ERBB4: variants seen among roughly 807,000 people sequenced by gnomAD.
ERBB4 encodes the protein receptor tyrosine-protein kinase erbB-4.
ERBB4 carries 42 observed loss-of-function variants against 158.0 expected under a neutral mutation model. The ratio of observed to expected loss-of-function variants is 0.27; its 90% CI spans 0.21 to 0.34. The LOEUF (loss-of-function observed/expected upper bound fraction) is 0.34, where lower values mean the gene tolerates loss of function less well. Among genes scored for constraint, ERBB4 ranks in the 10% least tolerant of loss-of-function variants. The probability of loss-of-function intolerance (pLI) is 1.00; values close to 1 mark genes in which losing one functional copy is unlikely to be tolerated. For synonymous variants in ERBB4, 583 were observed against 558.7 expected (o/e 1.04, Z -0.61); for missense variants, 1,333 against 1,624.1 (o/e 0.82, Z 3.08).
chr2:211,428,218 A>AAAAT (rs1258613865), intron 22 of ERBB4, among the ~76,000 whole-genome samples, 190 bp downstream of exon 22: 2 of 143,292 alleles, frequency 1.4e-5, no homozygotes, highest in Non-Finnish European at 3.1e-5. Context: ...AACTTAAAAT[A>AAAAT]AAATAAAATA....
At chr2:212,192,045 T>TTATA (rs2082277589) in intron 1 of ERBB4, among the ~76,000 whole-genome samples, 3 of 54,928 alleles carry the variant, frequency 5.5e-5, no homozygotes, top group African/African-American at 1.6e-4. Flanking sequence ...ATGTTATATA[T>TTATA]ATGTTATATG....
chr2:211,924,737 G>A (rs1279727635), intron 3 of ERBB4, among the ~76,000 whole-genome samples: 1 of 152,014 alleles, frequency 6.6e-6, no homozygotes, highest in Non-Finnish European at 1.5e-5. Context: ...CGGTCACATA[G>A]GTAAGAGTCA....
chr2:212,526,289 TG>T (rs1390543570), intron 1 of ERBB4, among the ~76,000 whole-genome samples: 1 of 152,018 alleles, frequency 6.6e-6, no homozygotes, highest in African/African-American at 2.4e-5. Context: ...CTCTGGCTCA[TG>T]GTGTGCTAAT....
At chr2:211,576,734 GTAATTA>G (rs939327169) in intron 19 of ERBB4, among the ~76,000 whole-genome samples, 1 of 151,844 alleles carries the variant, frequency 6.6e-6, no homozygotes, top group African/African-American at 2.4e-5. Context: ...ATAAACATTA[GTAATTA>G]TAATTATAAA....
At chr2:212,026,698 T>C (rs1406821365) in intron 2 of ERBB4, among the ~76,000 whole-genome samples, 1 of 151,932 alleles carries the variant, frequency 6.6e-6, no homozygotes, top group Non-Finnish European at 1.5e-5. Context: ...TCGATATTAT[T>C]GTTTGAATTA....
intron 1 of ERBB4, among the ~76,000 whole-genome samples, chr2:212,529,737 G>A (rs2106338600): frequency 6.6e-6 from 1 of 152,300 alleles, no homozygotes; most frequent in East Asian, 1.9e-4. Flanking sequence ...CTATTGGTTG[G>A]TTTGATTAAA....
At chr2:211,952,264 A>C (rs955649727) in intron 2 of ERBB4, among the ~76,000 whole-genome samples, 3 of 152,086 alleles carry the variant, frequency 2.0e-5, no homozygotes, top group African/African-American at 7.2e-5. Context: ...TCCAGTGCAG[A>C]TCATGAGCCA....
At chr2:211,754,597 C>T (rs1360311103) in intron 4 of ERBB4, among the ~76,000 whole-genome samples, 4 of 151,842 alleles carry the variant, frequency 2.6e-5, no homozygotes. Flanking sequence ...TTAGTAGGGA[C>T]GGGGTTTCAC....
chr2:211,416,867 T>TCC (rs1553525905), intron 25 of ERBB4, among the ~76,000 whole-genome samples: 1 of 151,754 alleles, frequency 6.6e-6, no homozygotes, highest in Non-Finnish European at 1.5e-5. Flanking sequence ...TGCGGGCCTT[T>TCC]AAGTCTCTGC....
chr2:212,308,248 T>C (rs2086888066), intron 1 of ERBB4, among the ~76,000 whole-genome samples: 1 of 151,172 alleles, frequency 6.6e-6, no homozygotes, highest in Non-Finnish European at 1.5e-5. Flanking sequence ...TTTTTCTGAA[T>C]ATTACCAGCC....
At chr2:211,420,388 C>A in intron 25 of ERBB4, 53 bp downstream of exon 25, 1 of 1,285,556 alleles carries the variant, frequency 7.8e-7, no homozygotes, top group South Asian at 1.2e-5. Context: ...TGAACTATTA[C>A]ATGATTTTAT....
chr2:211,926,263 C>G (rs2080019590), intron 3 of ERBB4, among the ~76,000 whole-genome samples: 1 of 152,122 alleles, frequency 6.6e-6, no homozygotes, highest in African/African-American at 2.4e-5. Flanking sequence ...AAAACAGATA[C>G]TGATGAGCAC....
chr2:212,018,941 G>A (rs536428691), intron 2 of ERBB4, among the ~76,000 whole-genome samples: 5 of 152,170 alleles, frequency 3.3e-5, no homozygotes, highest in East Asian at 3.9e-4. Context: ...AATAACTGGC[G>A]AATCATTACA....
intron 1 of ERBB4, among the ~76,000 whole-genome samples, chr2:212,335,253 G>A (rs1483452835): frequency 6.6e-6 from 1 of 151,772 alleles, no homozygotes; most frequent in Admixed American, 6.6e-5. Context: ...AAGGCACAGA[G>A]TAATTGAAAA....
chr2:211,938,947 C>T (rs1282194764), intron 3 of ERBB4, among the ~76,000 whole-genome samples: 1 of 152,044 alleles, frequency 6.6e-6, no homozygotes, highest in African/African-American at 2.4e-5. Context: ...AGCAAGCAAG[C>T]TTGATTTTTA....
At chr2:211,861,350 G>GTTTTTTTTTTTTTTTTTT (rs67133944) in intron 3 of ERBB4, among the ~76,000 whole-genome samples, 1 of 88,952 alleles carries the variant, frequency 1.1e-5, no homozygotes, top group Admixed American at 1.7e-4. Flanking sequence ...TTTTTTTTTT[G>GTTTTTTTTTTTTTTTTTT]TTTTTTTTTT....
intron 2 of ERBB4, among the ~76,000 whole-genome samples, chr2:212,047,594 T>A (rs2077288610): frequency 2.6e-5 from 4 of 151,894 alleles, no homozygotes; most frequent in Admixed American, 2.6e-4. Flanking sequence ...TGTCTTAGCT[T>A]CGCAAGTAGT....
rs1157718447 is a variant in ERBB4, at chr2:212,426,280, G to T, written c.82+112169C>A. On this transcript the variant is annotated intron_variant, in intron 1 of 27. Transcript: ENST00000342788. ...AAATGCACACTAAAATATTAGGTTGGTGCAAAAGTAATTACAGTTTTTGCC... is the reference window on the plus strand; with the variant it reads ...AAATGCACACTAAAATATTAGGTTGTTGCAAAAGTAATTACAGTTTTTGCC... The T allele has an allele frequency of 6.3e-6, 3 of 476,790 alleles. No individual in the cohort carries two copies. The African/African-American group carries it at 6.4e-5, about 10-fold the overall frequency. The allele number at this position is 476,790 out of a possible 1,614,324, so 29.5% of individuals were successfully genotyped here. A position where few individuals can be genotyped will look rare whatever the true frequency, so the allele number is the denominator to read the frequency against.
At chr2:211,480,234 T>C (rs2065048706) in intron 20 of ERBB4, among the ~76,000 whole-genome samples, 3 of 152,160 alleles carry the variant, frequency 2.0e-5, no homozygotes, top group Non-Finnish European at 2.9e-5. Context: ...ACATCTCTTG[T>C]CTTTAGGGAA....
Sources: allele counts gnomAD v4.1 joint callset (sites outside exome capture counted in the v4.1 genomes callset), GRCh38; gene constraint gnomAD v4.1.1; transcripts MANE v1.5; gene names NCBI Gene and HGNC (gene_info 2026-07-23, HGNC 2026-07-21).